Variants in ARB2A observed in about 807,000 individuals in gnomAD.
The protein encoded by ARB2A is cotranscriptional regulator ARB2A.
chr5:93,962,995 A>G, the ARB2A span, among the ~76,000 whole-genome samples: 1 of 152,038 alleles, frequency 6.6e-6, no homozygotes, highest in Non-Finnish European at 1.5e-5. Context: ...TGGAGACTGA[A>G]GTGAGTTTAA....
the ARB2A span, among the ~76,000 whole-genome samples, chr5:93,860,280 G>A: frequency 1.2e-4 from 19 of 152,164 alleles, no homozygotes; most frequent in South Asian, 3.9e-3. Context: ...GCAGCAGAGG[G>A]AGACTTCATC....
the ARB2A span, among the ~76,000 whole-genome samples, chr5:93,916,636 A>G: frequency 6.6e-6 from 1 of 152,098 alleles, no homozygotes; most frequent in African/African-American, 2.4e-5. Context: ...GGCTTCTTCC[A>G]GCTCTGAGCA....
At chr5:94,099,907 T>TC in the ARB2A span, among the ~76,000 whole-genome samples, 1 of 151,940 alleles carries the variant, frequency 6.6e-6, no homozygotes, top group Non-Finnish European at 1.5e-5. Flanking sequence ...TCTCACCACA[T>TC]CTATTCAACA....
the ARB2A span, among the ~76,000 whole-genome samples, chr5:93,957,476 T>C: frequency 6.6e-6 from 1 of 152,054 alleles, no homozygotes; most frequent in South Asian, 2.1e-4. Context: ...ATTTAAAACC[T>C]GAAATCCGAA....
At chr5:94,084,022 C>T in the ARB2A span, among the ~76,000 whole-genome samples, 1 of 151,868 alleles carries the variant, frequency 6.6e-6, no homozygotes, top group East Asian at 1.9e-4. Context: ...CCTGTAATCC[C>T]AGCACTTTGG....
chr5:93,786,977 C>A, the ARB2A span, among the ~76,000 whole-genome samples: 1 of 152,120 alleles, frequency 6.6e-6, no homozygotes, highest in African/African-American at 2.4e-5. Context: ...AAAACCCTCT[C>A]TGAAAGGGAG....
At chr5:93,911,455 G>C in the ARB2A span, among the ~76,000 whole-genome samples, 13 of 151,622 alleles carry the variant, frequency 8.6e-5, no homozygotes, top group Non-Finnish European at 1.3e-4. Context: ...AAAAAAGCTT[G>C]AAAGAAGGCT....
At chr5:93,865,175 G>A in the ARB2A span, among the ~76,000 whole-genome samples, 1 of 151,988 alleles carries the variant, frequency 6.6e-6, no homozygotes, top group Non-Finnish European at 1.5e-5. Flanking sequence ...TCTGCGTCCC[G>A]GGTTCTCGCC....
At chr5:93,795,480 C>T in the ARB2A span, among the ~76,000 whole-genome samples, 13 of 152,292 alleles carry the variant, frequency 8.5e-5, 1 homozygote, top group South Asian at 2.7e-3. Context: ...ATTCTCTTGG[C>T]TTTCTTGGTA....
the ARB2A span, among the ~76,000 whole-genome samples, chr5:93,928,456 G>C: frequency 6.6e-6 from 1 of 152,042 alleles, no homozygotes; most frequent in Non-Finnish European, 1.5e-5. Flanking sequence ...ACAAGATATT[G>C]AATCTTATAC....
At chr5:93,954,199 T>G in the ARB2A span, among the ~76,000 whole-genome samples, 2 of 152,066 alleles carry the variant, frequency 1.3e-5, no homozygotes, top group African/African-American at 4.8e-5. Context: ...AGAAGGAATC[T>G]TTCACCATTG....
At chr5:93,663,792 T>C in the ARB2A span, among the ~76,000 whole-genome samples, 1 of 152,222 alleles carries the variant, frequency 6.6e-6, no homozygotes, top group African/African-American at 2.4e-5. Flanking sequence ...TCTAAATAAA[T>C]AGTGCATTGC....
chr5:94,022,607 T>C, the ARB2A span, among the ~76,000 whole-genome samples: 16 of 152,302 alleles, frequency 1.1e-4, no homozygotes, highest in South Asian at 4.1e-4. Context: ...AATAATACTA[T>C]ACTAATTTGG....
chr5:93,777,117 A>G, the ARB2A span, among the ~76,000 whole-genome samples: 3 of 135,864 alleles, frequency 2.2e-5, no homozygotes, highest in Admixed American at 2.5e-4. Flanking sequence ...TGTAAAGAAC[A>G]TGGACACAGG....
chr5:93,645,805 C>A, the ARB2A span, among the ~76,000 whole-genome samples: 1 of 152,094 alleles, frequency 6.6e-6, no homozygotes, highest in Non-Finnish European at 1.5e-5. Context: ...CACTTTATTT[C>A]AGAATTGCAT....
chr5:93,898,393 C>T, the ARB2A span, among the ~76,000 whole-genome samples: 2 of 152,066 alleles, frequency 1.3e-5, no homozygotes, highest in South Asian at 4.1e-4. Flanking sequence ...TGGTACTCTC[C>T]TGCTCCTCAC....
the ARB2A span, among the ~76,000 whole-genome samples, chr5:93,750,342 A>G: frequency 6.6e-6 from 1 of 152,220 alleles, no homozygotes; most frequent in Non-Finnish European, 1.5e-5. Flanking sequence ...AAGCAAAAAT[A>G]AATAACTGAG....
chr5:93,696,036 G>A, the ARB2A span, among the ~76,000 whole-genome samples: 1 of 152,086 alleles, frequency 6.6e-6, no homozygotes, highest in South Asian at 2.1e-4. Context: ...GGTCTGTCGG[G>A]GGGTGGGGGA....
chr5:93,768,784 A>G, the ARB2A span, among the ~76,000 whole-genome samples: 1 of 151,930 alleles, frequency 6.6e-6, no homozygotes, highest in African/African-American at 2.4e-5. Context: ...AGGTCTTGCT[A>G]TGTCATCCAG....
Sources: gnomAD v4.1 joint callset for allele counts (sites outside exome capture counted in the v4.1 genomes callset) on GRCh38, gnomAD v4.1.1 for gene constraint, MANE v1.5 for transcripts, NCBI Gene and HGNC (gene_info 2026-07-23, HGNC 2026-07-21) for gene names.